The following AP4E1 variants were observed in gnomAD, a reference collection of about 807,000 sequenced individuals.
The protein encoded by AP4E1 is AP-4 complex subunit epsilon-1.
A neutral mutation model predicts 128.2 loss-of-function variants in AP4E1; 56 were observed. That is an observed-to-expected ratio of 0.44 (90% CI 0.35 to 0.55). The LOEUF is 0.55. Among genes scored for constraint, AP4E1 ranks in the 20% least tolerant of loss-of-function variants. The pLI is 0.00. For synonymous variants in AP4E1, 484 were observed against 473.1 expected (o/e 1.02, Z -0.30); for missense variants, 1,324 against 1,307.7 (o/e 1.01, Z -0.19).
chr15:50,982,327 A>G (rs2064654870), intron 15 of AP4E1, among the ~76,000 whole-genome samples: 1 of 152,194 alleles, frequency 6.6e-6, no homozygotes, highest in Admixed American at 6.5e-5. Flanking sequence ...ATTAAGTTAG[A>G]TGATTAAAAA....
intron 15 of AP4E1, among the ~76,000 whole-genome samples, chr15:50,974,628 A>C (rs976982234): frequency 2.6e-5 from 4 of 152,116 alleles, no homozygotes; most frequent in African/African-American, 7.2e-5. Flanking sequence ...ACCATTTTGC[A>C]TTCCCATCAA....
chr15:50,938,731 A>T (rs1332368001), intron 8 of AP4E1, among the ~76,000 whole-genome samples: 1 of 152,086 alleles, frequency 6.6e-6, no homozygotes, highest in Non-Finnish European at 1.5e-5. Flanking sequence ...TCATAGTGTC[A>T]CTGGAGGCCA....
In AP4E1 at chr15:50,997,517, T is replaced by G; in HGVS notation, c.2538T>G (p.Phe846Leu). Reference protein sequence around the residue: ...HDTGDKELKKFSLTSELLDSE... With the variant: ...HDTGDKELKKLSLTSELLDSE... ...CAGGAGACAAGGAATTAAAGAAATT[T>G]TCTCTCACTTCAGAACTTTTGGATT... The change falls in exon 18 of 21, where the codon TTT (phenylalanine) becomes TTG (leucine). Residue 846 changes from phenylalanine (F) to leucine (L), a missense_variant. By Grantham distance (22) the Phe-to-Leu change is conservative (BLOSUM62 0). Transcript: ENST00000261842. 1 of 1,614,074 alleles carries G rather than the reference T, an allele frequency of 6.2e-7. No individual in the cohort carries two copies. The highest frequency in any genetic ancestry group is 8.5e-7 in the Non-Finnish European group (1 of 1,179,976).
intron 16 of AP4E1, among the ~76,000 whole-genome samples, chr15:50,988,224 G>GT (rs765363323): frequency 6.6e-6 from 1 of 152,156 alleles, no homozygotes; most frequent in African/African-American, 2.4e-5. Flanking sequence ...TGAAAATATC[G>GT]TAAGTCAGAA....
intron 8 of AP4E1, among the ~76,000 whole-genome samples, chr15:50,940,386 C>T (rs1455584206): frequency 6.6e-6 from 1 of 151,660 alleles, no homozygotes; most frequent in East Asian, 1.9e-4. Flanking sequence ...GAGAAAAAGA[C>T]AGAGGTTTAT....
intron 17 of AP4E1, among the ~76,000 whole-genome samples, chr15:50,995,239 C>T (rs905237433): frequency 6.6e-6 from 1 of 152,070 alleles, no homozygotes; most frequent in Non-Finnish European, 1.5e-5. Flanking sequence ...ATTTTTCTTA[C>T]GTTTAGCGTT....
At chr15:51,000,596 A>C (rs2064949598) in intron 19 of AP4E1, among the ~76,000 whole-genome samples, 1 of 152,176 alleles carries the variant, frequency 6.6e-6, no homozygotes, top group African/African-American at 2.4e-5. Flanking sequence ...TGTGTTTGTT[A>C]AAATTCTTTC....
At chr15:50,912,912 C>T (rs2063582144) in intron 2 of AP4E1, among the ~76,000 whole-genome samples, 1 of 152,142 alleles carries the variant, frequency 6.6e-6, no homozygotes, top group Non-Finnish European at 1.5e-5. Context: ...GATCCACCCA[C>T]CTCAGCCTCC....
chr15:50,921,466 A>T (rs539943453), intron 3 of AP4E1, among the ~76,000 whole-genome samples: 2 of 152,110 alleles, frequency 1.3e-5, no homozygotes, highest in East Asian at 3.9e-4. Context: ...CTTATGCCTC[A>T]GCCTCCCAAG....
At chr15:50,985,275 T>C in intron 16 of AP4E1, among the ~76,000 whole-genome samples, 1 of 152,226 alleles carries the variant, frequency 6.6e-6, no homozygotes, top group Non-Finnish European at 1.5e-5. Context: ...TTCACTCTGA[T>C]GTTAGTTTCT....
intron 15 of AP4E1, among the ~76,000 whole-genome samples, chr15:50,981,107 A>G (rs2064637617): frequency 6.6e-6 from 1 of 152,174 alleles, no homozygotes; most frequent in Admixed American, 6.5e-5. Flanking sequence ...CTGAGACCCC[A>G]GAACTGATGC....
chr15:50,907,889 A>G (rs1047355600), upstream of AP4E1, among the ~76,000 whole-genome samples: 2 of 152,280 alleles, frequency 1.3e-5, no homozygotes, highest in African/African-American at 4.8e-5. Context: ...GAATGAATAA[A>G]ATACTCTCTC....
intron 16 of AP4E1, among the ~76,000 whole-genome samples, chr15:50,992,304 G>A (rs1187552419): frequency 6.6e-6 from 1 of 152,112 alleles, no homozygotes; most frequent in Non-Finnish European, 1.5e-5. Flanking sequence ...TTTTGGAGGA[G>A]TCAAAAGTTA....
intron 16 of AP4E1, among the ~76,000 whole-genome samples, chr15:50,991,434 T>C (rs1332563310): frequency 3.3e-5 from 5 of 152,240 alleles, no homozygotes; most frequent in Admixed American, 3.3e-4. Context: ...GTGCTTCTTT[T>C]GAGAATTCTA....
intron 2 of AP4E1, among the ~76,000 whole-genome samples, chr15:50,914,143 G>A (rs1445001670): frequency 6.6e-6 from 1 of 152,118 alleles, no homozygotes; most frequent in Non-Finnish European, 1.5e-5. Context: ...CTTAATTAAT[G>A]TGTTAATGAA....
At chr15:50,985,929 C>A (rs1393964710) in intron 16 of AP4E1, among the ~76,000 whole-genome samples, 4 of 152,148 alleles carry the variant, frequency 2.6e-5, no homozygotes, top group Non-Finnish European at 5.9e-5. Flanking sequence ...AATATTGATT[C>A]TTCCTACCCA....
intron 10 of AP4E1, 55 bp downstream of exon 10, chr15:50,941,830 G>A: frequency 7.3e-7 from 1 of 1,370,388 alleles, no homozygotes; most frequent in Non-Finnish European, 1.0e-6. Context: ...TAAAAATTTT[G>A]TTGGCATTGT....
chr15:50,998,589 C>A (rs1383953994), intron 18 of AP4E1, among the ~76,000 whole-genome samples: 1 of 151,862 alleles, frequency 6.6e-6, no homozygotes, highest in Admixed American at 6.6e-5. Flanking sequence ...AAGATTGCAC[C>A]ATTGCACTCT....
At chr15:50,910,068 C>T (rs1004611405) in intron 1 of AP4E1, among the ~76,000 whole-genome samples, 1 of 152,168 alleles carries the variant, frequency 6.6e-6, no homozygotes, top group Non-Finnish European at 1.5e-5. Context: ...CTCACTGGAG[C>T]GTCTGCCTCC....
Sources: allele counts gnomAD v4.1 joint callset (sites outside exome capture counted in the v4.1 genomes callset), GRCh38; gene constraint gnomAD v4.1.1; transcripts MANE v1.5; gene names NCBI Gene and HGNC (gene_info 2026-07-23, HGNC 2026-07-21).